CFAP43: variants seen among roughly 807,000 people sequenced by gnomAD.
CFAP43 encodes the protein cilia and flagella associated protein 43, also known as cilia- and flagella-associated protein 43.
In CFAP43, 155 loss-of-function variants were observed where a neutral mutation model predicts 218.9. The observed-to-expected ratio is 0.71, with a 90% CI of 0.62 to 0.81. The LOEUF (loss-of-function observed/expected upper bound fraction) is 0.81. Ranked by LOEUF, CFAP43 falls within the 30% of genes least tolerant of loss-of-function variation. The pLI is 0.00. For synonymous variants in CFAP43, 645 were observed against 681.3 expected, an observed-to-expected ratio of 0.95 and a Z score of 0.83; for missense variants, 1,778 against 1,954.3, an observed-to-expected ratio of 0.91 and a Z score of 1.70.
intron 27 of CFAP43, among the ~76,000 whole-genome samples, chr10:104,158,692 T>C (rs2134801339): frequency 6.6e-6 from 1 of 152,304 alleles, no homozygotes; most frequent in South Asian, 2.1e-4. Flanking sequence ...AATCTGAATA[T>C]AGACTTAATT....
At chr10:104,199,769 AT>A (rs567415143) in intron 8 of CFAP43, among the ~76,000 whole-genome samples, 142 of 131,878 alleles carry the variant, frequency 1.1e-3, no homozygotes, top group African/African-American at 3.9e-3. Context: ...TGTTTCAGCA[AT>A]GACTGAGTGG....
chr10:104,136,303 A>G, intron 34 of CFAP43, among the ~76,000 whole-genome samples: 1 of 151,044 alleles, frequency 6.6e-6, no homozygotes, highest in East Asian at 1.9e-4. Flanking sequence ...AAGAAAGAAA[A>G]CAGGGATAAA....
chr10:104,179,580 G>A (rs1224611235), intron 18 of CFAP43, among the ~76,000 whole-genome samples: 1 of 152,172 alleles, frequency 6.6e-6, no homozygotes, highest in Non-Finnish European at 1.5e-5. Context: ...ATCCTTTGCT[G>A]TGGCTTACCT....
In CFAP43 at chr10:104,145,502, G is replaced by C. The variant is rs1234602526; in HGVS notation, c.3918C>G (p.Leu1306=). The stretch of plus-strand genomic sequence containing the variant: ...TTGGTCGGCGTTTAAAAAGTTTGTA[G>C]AGTATATCCACTTGATGACCAGGAA... The part of the protein sequence containing the change: ...SEIPGHQVDI[L]YKLFKRRPRI... Residue 1306 remains leucine, a synonymous_variant, in exon 31 of 38, where the codon CTC becomes CTG. Transcript: ENST00000357060. 4 of 1,603,112 alleles carry C rather than the reference G, an allele frequency of 2.5e-6. No homozygotes were observed. The African/African-American group carries it at 5.3e-5, about 21-fold the overall frequency.
chr10:104,223,901 C>A lies in CFAP43; in HGVS notation c.416+1560G>T, dbSNP rs530343719. 2.8e-4 allele frequency among the ~76,000 whole-genome samples: 42 copies of A among 152,150 alleles called. 1 individual carries two copies. Among genetic ancestry groups the A allele is most frequent in the African/African-American group, 8.9e-4 (37 of 41,498 alleles). ...AAATAATTATGTTGCATGAAAGAAG[C>A]CCGACAAAAGAATATACACTGTGTC... On this transcript the variant is annotated intron_variant, in intron 3 of 37. Coordinates refer to ENST00000357060, the MANE Select transcript of CFAP43 (RefSeq NM_025145.7).
chr10:104,130,216 CTTG>C lies in CFAP43; in HGVS notation c.4918_4920del (p.Gln1640del), dbSNP rs767597147. 22 of 1,612,994 alleles carry C rather than the reference CTTG, an allele frequency of 1.4e-5. No homozygotes were observed. The highest frequency in any genetic ancestry group is 1.9e-5 in the Non-Finnish European group (22 of 1,179,724). ...GTCTGTAGTATTGAAATCTGTTCAG[CTTG>C]TTGTTTTGAAATATTTGTTAACTTC... is the stretch of plus-strand genomic sequence containing the variant. On this transcript the variant is annotated inframe_deletion, in exon 38 of 38. Transcript: ENST00000357060.
Position 104,230,830 on chromosome 10 carries a change from A to C in CFAP43, c.79T>G (p.Phe27Val), listed in dbSNP as rs1316842884. The change falls in exon 2 of 38, where the codon TTC (phenylalanine) becomes GTC (valine). Residue 27 changes from phenylalanine (F) to valine (V), a missense_variant. Physicochemically the swap from Phe to Val is conservative, Grantham distance 50 (BLOSUM62 -1). Around this residue, in one of 3 missense-constraint regions of CFAP43, gnomAD observed 1,553 missense variants for 1,685.2 expected, o/e 0.92. Transcript: ENST00000357060. Reference protein sequence around the residue: ...ASLSVRWVQGFPKQNVHFVND... With the variant: ...ASLSVRWVQGVPKQNVHFVND... ...ACAAAATGAACATTCTGCTTAGGGA[A>C]TCCTTGCACCCATCTTTGGGAAAAG... The C allele has an allele frequency of 6.2e-7, 1 of 1,608,306 alleles. No homozygotes were observed. The highest frequency in any genetic ancestry group is 2.2e-5 in the East Asian group (1 of 44,838).
At chr10:104,145,701 C>T (rs1022656295) in intron 30 of CFAP43, 137 bp from the exon 31 acceptor site, 3 of 523,754 alleles carry the variant, frequency 5.7e-6, no homozygotes, top group African/African-American at 1.9e-5. Flanking sequence ...AGTTGTTAGA[C>T]ATTAACCATT....
chr10:104,135,239 TAATGGGA>T (rs760466928), intron 34 of CFAP43, among the ~76,000 whole-genome samples: 3 of 152,108 alleles, frequency 2.0e-5, no homozygotes, highest in Non-Finnish European at 4.4e-5. Flanking sequence ...CTCAACATGA[TAATGGGA>T]ATTTACAGAA....
At chr10:104,172,826 T>C (rs2089465719) in intron 19 of CFAP43, among the ~76,000 whole-genome samples, 1 of 152,152 alleles carries the variant, frequency 6.6e-6, no homozygotes, top group East Asian at 1.9e-4. Flanking sequence ...CTAACAGCAT[T>C]GTGGTTATGT....
In CFAP43 at chr10:104,225,564, T is replaced by C. The variant is rs2091286197; in HGVS notation, c.320-7A>G. On this transcript the variant is annotated splice_region_variant and splice_polypyrimidine_tract_variant and intron_variant, in intron 2 of 37. Transcript: ENST00000357060. ...TAGTCCAGGAGAATGTTGCCTAAAA[T>C]ATAAAATCCATTATCAGGATTTGAT... 1.2e-6 allele frequency: 2 copies of C among 1,604,812 alleles called. No homozygotes were observed. Among genetic ancestry groups the C allele is most frequent in the East Asian group, 2.3e-5 (1 of 44,324 alleles).
chr10:104,151,211 G>C (rs947649429), intron 28 of CFAP43, among the ~76,000 whole-genome samples: 2 of 152,190 alleles, frequency 1.3e-5, no homozygotes, highest in South Asian at 4.1e-4. Flanking sequence ...ACATATGCAT[G>C]CATGTGTCTT....
intron 7 of CFAP43, among the ~76,000 whole-genome samples, chr10:104,205,212 C>CAA (rs71022723): frequency 0.017 from 919 of 55,632 alleles, 26 homozygotes; most frequent in Non-Finnish European, 0.023. Flanking sequence ...GACTCCGTCT[C>CAA]AAAAAAAAAA....
rs567358964 is a variant in CFAP43 at position 104,130,019 on chromosome 10, A to G, written c.*120T>C. On this transcript the variant is annotated 3_prime_UTR_variant, in exon 38 of 38. Transcript: ENST00000357060. The stretch of plus-strand genomic sequence containing the variant: ...AATTAAACAATTTTTTATCTAAAAC[A>G]TGCAACTCAGAGGACATGCTACTTC... The G allele has an allele frequency of 9.1e-6, 11 of 1,209,870 alleles. No homozygotes were observed. Among genetic ancestry groups the G allele is most frequent in the African/African-American group, 4.7e-5 (3 of 63,492 alleles). 74.9% of individuals were successfully genotyped at this position (1,209,870 alleles called of 1,614,324 possible). A position where few individuals can be genotyped will look rare whatever the true frequency, so the allele number is the denominator to read the frequency against.
intron 34 of CFAP43, among the ~76,000 whole-genome samples, chr10:104,135,142 A>G (rs2087380036): frequency 2.0e-5 from 3 of 151,488 alleles, no homozygotes; most frequent in Non-Finnish European, 4.4e-5. Flanking sequence ...ATGTCAATTG[A>G]TGTAGAAAAA....
chr10:104,185,041 C>T lies in CFAP43; in HGVS notation c.2116G>A (p.Gly706Ser). 1 of 1,614,082 alleles carries T rather than the reference C, an allele frequency of 6.2e-7. No individual in the cohort carries two copies. Among genetic ancestry groups the T allele is most frequent in the Non-Finnish European group, 8.5e-7 (1 of 1,179,988 alleles). Residue 706 changes from glycine (G) to serine (S), a missense_variant, in exon 16 of 38, where the codon GGC becomes AGC. This residue lies in a region of CFAP43 where 1,553 missense variants were observed against 1,685.2 expected (regional missense o/e 0.92). Transcript: ENST00000357060. ...QNILVNGRDD[G>S]TLVYLKWKRF... The stretch of plus-strand genomic sequence containing the variant: ...TTCCACTTTAGGTAGACAAGGGTGC[C>T]ATCATCTCTCCCATTCACCAGAATG...
At chr10:104,182,684 TC>T (rs1324527861) in intron 16 of CFAP43, among the ~76,000 whole-genome samples, 171 bp from the exon 17 acceptor site, 1 of 152,190 alleles carries the variant, frequency 6.6e-6, no homozygotes, top group Non-Finnish European at 1.5e-5. Context: ...AGTGCCTACT[TC>T]TTTTGCAGAA....
In CFAP43 at chr10:104,187,384, C is replaced by T. The variant is rs755106574; in HGVS notation, c.1796G>A (p.Ser599Asn). The stretch of plus-strand genomic sequence containing the variant: ...ACTACAGAAGCCATATATTTGGTTA[C>T]TTTGAAAGCCCAAGACTGCAGAGGA... ...ALSSAVLGFQ[S>N]NQIYGFCSQV... The change falls in exon 14 of 38, where the codon AGT becomes AAT. Residue 599 changes from serine to asparagine, a missense_variant. By Grantham distance (46) the Ser-to-Asn change is conservative. Coordinates refer to ENST00000357060, the MANE Select transcript of CFAP43 (RefSeq NM_025145.7). 6.2e-7 allele frequency: 1 copy of T among 1,612,424 alleles called. No homozygotes were observed. The highest frequency in any genetic ancestry group is 8.5e-7 in the Non-Finnish European group (1 of 1,179,540).
chr10:104,182,470 G>C lies in CFAP43; in HGVS notation c.2185C>G (p.Gln729Glu), dbSNP rs2134878456. The C allele has an allele frequency of 6.2e-7, 1 of 1,611,512 alleles. No homozygotes were observed. Among genetic ancestry groups the C allele is most frequent in the Non-Finnish European group, 8.5e-7 (1 of 1,179,082 alleles). ...HLASEILDYY[Q>E]KLLISLSSAM... ...CTGCTCAGGGAAATTAATAGTTTCT[G>C]GTAATAGTCCAGAATTTCACTGGCT... Residue 729 changes from glutamine to glutamate, a missense_variant, in exon 17 of 38, where the codon CAG (glutamine) becomes GAG (glutamate). Coordinates refer to ENST00000357060, the MANE Select transcript of CFAP43 (RefSeq NM_025145.7).
Sources: allele counts gnomAD v4.1 joint callset (sites outside exome capture counted in the v4.1 genomes callset), GRCh38; gene constraint gnomAD v4.1.1; regional missense constraint gnomAD v4.1.1; transcripts MANE v1.5; gene names NCBI Gene and HGNC (gene_info 2026-07-23, HGNC 2026-07-21).